The following CRTC3 variants were observed in gnomAD, a reference collection of about 807,000 sequenced individuals.
CRTC3 encodes CREB-regulated transcription coactivator 3.
In CRTC3, 26 loss-of-function variants were observed where a neutral mutation model predicts 74.5. The observed-to-expected ratio is 0.35, with a 90% CI of 0.26 to 0.48. CRTC3 has a LOEUF of 0.48. Among genes scored for constraint, CRTC3 ranks in the 20% least tolerant of loss-of-function variants. The pLI is 0.99. For synonymous variants in CRTC3, 377 were observed against 325.8 expected (o/e 1.16, Z -1.69); for missense variants, 760 against 787.3 (o/e 0.97, Z 0.41).
rs1310298108 is a variant in CRTC3 at position 90,629,271 on chromosome 15, C to T, written c.1005C>T (p.Ala335=). ...CTCGGAGTAACCCCTCCATCCAAGC[C>T]ACGCTCAATAAGACTGTGCTTTCCT... ...QSSRSNPSIQ[A]TLNKTVLSSS... is the part of the protein sequence containing the mutation. Residue 335 remains alanine, a synonymous_variant, in exon 11 of 15, where the codon GCC becomes GCT. Transcript: ENST00000268184. 5 of 1,614,034 alleles carry T rather than the reference C, an allele frequency of 3.1e-6. No individual in the cohort carries two copies. In the African/African-American group the frequency reaches 5.3e-5, roughly 17 times the overall value.
At chr15:90,638,683 C>CTTGT in intron 12 of CRTC3, 37 bp downstream of exon 12, 4 of 1,611,292 alleles carry the variant, frequency 2.5e-6, no homozygotes, top group Non-Finnish European at 3.4e-6. Context: ...AGAGGGAATG[C>CTTGT]TTGTTTTGCT....
rs1485260762 is a variant in CRTC3 at position 90,642,496 on chromosome 15, G to C, written c.*356G>C. The stretch of plus-strand genomic sequence containing the variant: ...CTGGAGGCCTCCGTAGCATTGTGTA[G>C]TGTGCTCAGAACCACTGATCTCCGT... On this transcript the variant is annotated 3_prime_UTR_variant, in exon 15 of 15. Coordinates refer to ENST00000268184, the MANE Select transcript of CRTC3 (RefSeq NM_022769.5). 2.5e-6 allele frequency: 1 copy of C among 402,620 alleles called. No homozygotes were observed. Among genetic ancestry groups the C allele is most frequent in the Non-Finnish European group, 4.6e-6 (1 of 215,610 alleles). 24.9% of individuals were successfully genotyped at this position (402,620 alleles called of 1,614,324 possible).
chr15:90,533,243 A>G (rs1261216828), intron 1 of CRTC3, among the ~76,000 whole-genome samples: 1 of 150,688 alleles, frequency 6.6e-6, no homozygotes, highest in Non-Finnish European at 1.5e-5. Flanking sequence ...CTTTACTAAA[A>G]CTACAAAAAA....
At chr15:90,617,014 C>A (rs1277400994) in intron 7 of CRTC3, among the ~76,000 whole-genome samples, 1 of 152,174 alleles carries the variant, frequency 6.6e-6, no homozygotes, top group African/African-American at 2.4e-5. Flanking sequence ...CCATTCTCTC[C>A]TTTGCCAAGC....
chr15:90,548,221 T>C (rs1335107569), intron 2 of CRTC3, among the ~76,000 whole-genome samples: 3 of 152,224 alleles, frequency 2.0e-5, no homozygotes, highest in Non-Finnish European at 4.4e-5. Flanking sequence ...CCTAGTCCTT[T>C]CAAATCATAT....
intron 8 of CRTC3, among the ~76,000 whole-genome samples, chr15:90,619,342 A>G (rs989066464): frequency 6.6e-6 from 1 of 152,166 alleles, no homozygotes; most frequent in Non-Finnish European, 1.5e-5. Context: ...CTGTGATCCC[A>G]GCTACTCGGG....
intron 2 of CRTC3, among the ~76,000 whole-genome samples, chr15:90,579,842 A>T (rs960502053): frequency 7.2e-5 from 11 of 151,876 alleles, no homozygotes; most frequent in African/African-American, 2.7e-4. Flanking sequence ...GGGTTTTACC[A>T]TGTTTGCCAG....
At chr15:90,632,745 C>T (rs1401203050) in intron 11 of CRTC3, among the ~76,000 whole-genome samples, 2 of 152,210 alleles carry the variant, frequency 1.3e-5, no homozygotes, top group African/African-American at 4.8e-5. Context: ...GCTGGGACTA[C>T]AGGCATGTGC....
At chr15:90,534,632 T>C (rs972827974) in intron 1 of CRTC3, among the ~76,000 whole-genome samples, 1 of 152,202 alleles carries the variant, frequency 6.6e-6, no homozygotes. Flanking sequence ...ATCTGGACTT[T>C]GGTTTCTTTT....
intron 2 of CRTC3, among the ~76,000 whole-genome samples, chr15:90,577,411 A>G (rs1362473551): frequency 6.6e-6 from 1 of 152,166 alleles, no homozygotes; most frequent in African/African-American, 2.4e-5. Context: ...GACAGTTTTG[A>G]CTTTTAATTT....
chr15:90,543,010 G>A (rs1054720986), intron 2 of CRTC3, among the ~76,000 whole-genome samples: 1 of 151,888 alleles, frequency 6.6e-6, no homozygotes, highest in African/African-American at 2.4e-5. Flanking sequence ...AATTAAGGTG[G>A]TGTCCACCAG....
chr15:90,628,602 CT>C (rs1460176474), intron 10 of CRTC3, among the ~76,000 whole-genome samples: 1 of 152,200 alleles, frequency 6.6e-6, no homozygotes, highest in Non-Finnish European at 1.5e-5. Flanking sequence ...AAATTCACCC[CT>C]GTCCCCCAAA....
intron 2 of CRTC3, among the ~76,000 whole-genome samples, 165 bp downstream of exon 2, chr15:90,540,302 G>A (rs560083225): frequency 5.9e-5 from 9 of 152,266 alleles, no homozygotes; most frequent in Non-Finnish European, 1.0e-4. Flanking sequence ...TACAGCATAC[G>A]ATAGTGTTAT....
At chr15:90,617,325 T>A (rs1244734673) in intron 7 of CRTC3, among the ~76,000 whole-genome samples, 20 of 152,226 alleles carry the variant, frequency 1.3e-4, no homozygotes, top group Non-Finnish European at 1.5e-5. Context: ...CTGACTAGAT[T>A]ACACATTCGT....
At chr15:90,598,586 C>T in intron 3 of CRTC3, 1 of 697,946 alleles carries the variant, frequency 1.4e-6, no homozygotes, top group South Asian at 1.5e-5. Flanking sequence ...ACATGAGTGT[C>T]TTGGTGGACG....
intron 3 of CRTC3, chr15:90,598,483 T>C: frequency 1.4e-6 from 1 of 702,862 alleles, no homozygotes. Flanking sequence ...TGTTGATGGA[T>C]TGAGGCAGTA....
chr15:90,535,252 G>A (rs985531039), intron 1 of CRTC3, among the ~76,000 whole-genome samples: 1 of 152,162 alleles, frequency 6.6e-6, no homozygotes, highest in Non-Finnish European at 1.5e-5. Context: ...AAAGGGAGGT[G>A]GAGGAGCTGG....
chr15:90,530,012 G>C lies in CRTC3; in HGVS notation c.-60G>C. 1 of 1,285,002 alleles carries C rather than the reference G, an allele frequency of 7.8e-7. No homozygotes were observed. Among genetic ancestry groups the C allele is most frequent in the East Asian group, 4.0e-5 (1 of 25,034 alleles). The allele number at this position is 1,285,002 out of a possible 1,614,324, so 79.6% of individuals were successfully genotyped here. A position where few individuals can be genotyped will look rare whatever the true frequency, so the allele number is the denominator to read the frequency against. On this transcript the variant is annotated 5_prime_UTR_variant, in exon 1 of 15. Transcript: ENST00000268184. This position sits in a 1 kb window ranked among gnomAD's most constrained non-coding sequence, Gnocchi z 6.2. ...CCGGCGGCCTGTGGACGGACGGGTG[G>C]GCCGAGGTACAGGCCCCACGGCCGC...
At chr15:90,595,872 A>C (rs1370887737) in intron 3 of CRTC3, 2 of 152,216 alleles carry the variant, frequency 1.3e-5, no homozygotes, top group African/African-American at 4.8e-5. Flanking sequence ...CTGTAACAGT[A>C]AACAGCATGG....
Sources: gnomAD v4.1 joint callset for allele counts (sites outside exome capture counted in the v4.1 genomes callset) on GRCh38, gnomAD v4.1.1 for gene constraint, Gnocchi (gnomAD v3.1) non-coding constraint, MANE v1.5 for transcripts, NCBI Gene and HGNC (gene_info 2026-07-23, HGNC 2026-07-21) for gene names.